PCDHGB2: variants seen among roughly 807,000 people sequenced by gnomAD.
PCDHGB2 encodes protocadherin gamma-B2.
A neutral mutation model predicts 59.3 loss-of-function variants in PCDHGB2; 55 were observed. The observed-to-expected ratio is 0.93, with a 90% CI of 0.75 to 1.16. The LOEUF (loss-of-function observed/expected upper bound fraction) is 1.16. Among genes scored for constraint, PCDHGB2 ranks in the 50% most tolerant of loss-of-function variants. PCDHGB2 has a pLI of 0.00. For synonymous variants in PCDHGB2, 516 were observed against 512.0 expected (o/e 1.01, Z -0.11); for missense variants, 1,228 against 1,198.5 (o/e 1.02, Z -0.36).
intron 1 of PCDHGB2, chr5:141,378,802 CA>C (rs1201523670): frequency 1.3e-5 from 2 of 152,134 alleles, no homozygotes; most frequent in African/African-American, 2.4e-5. Context: ...CTGAAATGTG[CA>C]AACAGAATCA....
At chr5:141,441,782 G>T in intron 1 of PCDHGB2, 1 of 391,086 alleles carries the variant, frequency 2.6e-6, no homozygotes, top group East Asian at 8.8e-5. Context: ...TGGACGACCT[G>T]AATGACAACG....
Position 141,431,003 on chromosome 5 carries a change from G to C in PCDHGB2, c.2422-63804G>C. The C allele has an allele frequency of 6.2e-7, 1 of 1,614,078 alleles. No individual in the cohort carries two copies. The highest frequency in any genetic ancestry group is 8.5e-7 in the Non-Finnish European group (1 of 1,179,974). On this transcript the variant is annotated intron_variant, in intron 1 of 3. Transcript: ENST00000522605. The surrounding 1 kb of genome is among the most constrained non-coding windows in gnomAD (Gnocchi z 4.8). ...GCTTTTCGCCCTGAATCCGCGCAGC[G>C]GCAGCTTGGTCACGGCGGGCAGGAT... is the stretch of plus-strand genomic sequence containing the variant.
intron 1 of PCDHGB2, chr5:141,389,542 G>A (rs765744557): frequency 5.0e-6 from 8 of 1,613,080 alleles, no homozygotes; most frequent in African/African-American, 2.7e-5. Flanking sequence ...GTGGACGACC[G>A]CAACGACAAT....
chr5:141,427,887 C>A (rs759734297), intron 1 of PCDHGB2: 2 of 1,565,908 alleles, frequency 1.3e-6, no homozygotes, highest in Admixed American at 1.7e-5. Flanking sequence ...GGCCCACGAC[C>A]AGGGCTCGCC....
In PCDHGB2 at chr5:141,510,932, CCT is replaced by C. The variant is rs753455267; in HGVS notation, c.2570-12_2570-11del. 6 of 1,613,998 alleles carry C rather than the reference CCT, an allele frequency of 3.7e-6. No homozygotes were observed. The highest frequency in any genetic ancestry group is 1.1e-5 in the South Asian group (1 of 91,082). ...CTAAGTTTAGCTCCCACCTGATCTTCCTCTGTCTCTGCAGAAGCTGCTGATGG... is the reference window on the plus strand; with the variant it reads ...CTAAGTTTAGCTCCCACCTGATCTTCCTGTCTCTGCAGAAGCTGCTGATGG... On this transcript the variant is annotated splice_polypyrimidine_tract_variant and intron_variant, in intron 3 of 3. Coordinates refer to ENST00000522605, the MANE Select transcript of PCDHGB2 (RefSeq NM_018923.3).
intron 1 of PCDHGB2, chr5:141,423,752 G>T: frequency 6.2e-6 from 4 of 644,948 alleles, no homozygotes; most frequent in Non-Finnish European, 7.8e-6. Context: ...AAACTGTTTG[G>T]GGGGGGGGTG....
At chr5:141,507,120 T>TA (rs1256499995) in intron 3 of PCDHGB2, 2 of 152,206 alleles carry the variant, frequency 1.3e-5, no homozygotes, top group African/African-American at 4.8e-5. Context: ...TGGCTGCCTT[T>TA]GGATCCAGCC....
chr5:141,392,542 A>C (rs2092551305), intron 1 of PCDHGB2: 1 of 323,320 alleles, frequency 3.1e-6, no homozygotes, highest in African/African-American at 2.1e-5. Flanking sequence ...ATTTAGAAGT[A>C]ATCTGTATCT....
intron 1 of PCDHGB2, chr5:141,394,791 C>G (rs919264078): frequency 6.2e-7 from 1 of 1,613,736 alleles, no homozygotes. Flanking sequence ...CACTGTCACG[C>G]TCACCGTAGC....
intron 1 of PCDHGB2, chr5:141,367,592 A>T (rs1303624910): frequency 1.3e-5 from 2 of 152,018 alleles, no homozygotes; most frequent in African/African-American, 2.4e-5. Flanking sequence ...AGTAGATAAA[A>T]TTTATATTAA....
In PCDHGB2 at chr5:141,431,930, C is replaced by A. The variant is rs761060241; in HGVS notation, c.2422-62877C>A. 236 of 1,613,932 alleles carry A rather than the reference C, an allele frequency of 1.5e-4. 1 individual carries two copies. The highest frequency in any genetic ancestry group is 1.4e-3 in the South Asian group (124 of 91,086). The stretch of plus-strand genomic sequence containing the variant: ...GATCTGTTTCATCCAAGGAAATCTG[C>A]CCTTTAAATTAGAAAAATCTTACGG... On this transcript the variant is annotated intron_variant, in intron 1 of 3. Transcript: ENST00000522605. This position sits in a 1 kb window ranked among gnomAD's most constrained non-coding sequence, Gnocchi z 4.8.
rs181480719 is a variant in PCDHGB2, at chr5:141,387,482, G to A, written c.2421+24926G>A. 5.3e-5 allele frequency among the ~76,000 whole-genome samples: 8 copies of A among 152,294 alleles called. No individual in the cohort carries two copies. The East Asian group carries it at 1.5e-3, about 29-fold the overall frequency. On this transcript the variant is annotated intron_variant, in intron 1 of 3. Coordinates refer to ENST00000522605, the MANE Select transcript of PCDHGB2 (RefSeq NM_018923.3). ...AAAAATCCTCAAAGTTGGGATGAAG[G>A]CATTCCTAAGAGTACATTTTTAGAC...
intron 1 of PCDHGB2, chr5:141,427,590 C>G (rs768990626): frequency 5.9e-6 from 4 of 678,892 alleles, no homozygotes; most frequent in Non-Finnish European, 1.1e-5. Flanking sequence ...CAGCACAAGC[C>G]TCACCCTACG....
chr5:141,420,795 A>G (rs1046945975), intron 1 of PCDHGB2, among the ~76,000 whole-genome samples: 1 of 152,260 alleles, frequency 6.6e-6, no homozygotes, highest in Non-Finnish European at 1.5e-5. Flanking sequence ...AAAACTTTTT[A>G]AAAATTAAGC....
chr5:141,458,171 A>G (rs548935841), intron 1 of PCDHGB2, among the ~76,000 whole-genome samples: 74 of 152,336 alleles, frequency 4.9e-4, no homozygotes, highest in African/African-American at 1.6e-3. Flanking sequence ...TCACAGTAGT[A>G]TACCTTACTT....
intron 2 of PCDHGB2, among the ~76,000 whole-genome samples, chr5:141,495,685 T>TA (rs758775501): frequency 1.3e-5 from 2 of 152,210 alleles, no homozygotes; most frequent in African/African-American, 2.4e-5. Context: ...TGCCATGGCA[T>TA]AAGTGCTCAA....
chr5:141,374,564 G>C (rs898196714), intron 1 of PCDHGB2: 10 of 1,613,616 alleles, frequency 6.2e-6, no homozygotes, highest in Middle Eastern at 1.6e-4. Flanking sequence ...CTATGACCCT[G>C]ATGTGGGAAT....
At chr5:141,425,987 G>A (rs1304785231) in intron 1 of PCDHGB2, among the ~76,000 whole-genome samples, 1 of 152,188 alleles carries the variant, frequency 6.6e-6, no homozygotes, top group Non-Finnish European at 1.5e-5. Flanking sequence ...GAATCCCATT[G>A]AATTAGCAAA....
chr5:141,393,896 T>C lies in PCDHGB2; in HGVS notation c.2421+31340T>C, dbSNP rs754023896. 3.1e-6 allele frequency: 5 copies of C among 1,613,942 alleles called. No homozygotes were observed. In the East Asian group the frequency reaches 1.1e-4, roughly 36 times the overall value. On this transcript the variant is annotated intron_variant, in intron 1 of 3. Coordinates refer to ENST00000522605, the MANE Select transcript of PCDHGB2 (RefSeq NM_018923.3). Reference sequence around the variant, plus strand: ...TTAGCCCAGTGTTAGAAAATTCTCTTCCCGGGACAGTAATTGCCTTCTTGA... The same window carrying C: ...TTAGCCCAGTGTTAGAAAATTCTCTCCCCGGGACAGTAATTGCCTTCTTGA...
Sources: gnomAD v4.1 joint callset for allele counts (sites outside exome capture counted in the v4.1 genomes callset) on GRCh38, gnomAD v4.1.1 for gene constraint, Gnocchi (gnomAD v3.1) non-coding constraint, MANE v1.5 for transcripts, NCBI Gene and HGNC (gene_info 2026-07-23, HGNC 2026-07-21) for gene names.